The following EVC variants were observed in gnomAD, a reference collection of about 807,000 sequenced individuals.
The protein encoded by EVC is EvC ciliary complex subunit 1, also known as evC complex member EVC.
In EVC, 116 loss-of-function variants were observed where a neutral mutation model predicts 118.9. The ratio of observed to expected loss-of-function variants is 0.98; its 90% CI spans 0.84 to 1.14. EVC has a LOEUF of 1.14. Ranked by LOEUF, EVC falls within the 50% of genes most tolerant of loss-of-function variation. EVC has a pLI of 0.00. For synonymous variants in EVC, 619 were observed against 534.7 expected, an observed-to-expected ratio of 1.16 and a Z score of -2.18; for missense variants, 1,401 against 1,246.4, an observed-to-expected ratio of 1.12 and a Z score of -1.87.
intron 17 of EVC, among the ~76,000 whole-genome samples, chr4:5,806,104 G>C (rs1715866636): frequency 6.7e-6 from 1 of 149,606 alleles, no homozygotes; most frequent in South Asian, 2.1e-4. Context: ...TTTTGAGACA[G>C]AGTCTTGCTC....
chr4:5,821,351 C>T, the EVC span: 4 of 179,402 alleles, frequency 2.2e-5, no homozygotes, highest in Non-Finnish European at 3.6e-5. This position sits in a 1 kb window ranked among gnomAD's most constrained non-coding sequence, Gnocchi z 4.4. Context: ...TCCCCTCAGA[C>T]GCACTCACAG....
intron 12 of EVC, among the ~76,000 whole-genome samples, chr4:5,790,954 G>T (rs1031947506): frequency 1.3e-5 from 2 of 152,044 alleles, no homozygotes; most frequent in Non-Finnish European, 2.9e-5. Flanking sequence ...CATTAACTGG[G>T]CGTGGTGGCG....
At chr4:5,794,339 ATACTTATATATATATTTATGTATT>A (rs1713461226) in intron 13 of EVC, among the ~76,000 whole-genome samples, 4 of 109,774 alleles carry the variant, frequency 3.6e-5, no homozygotes, top group Non-Finnish European at 3.8e-5. Flanking sequence ...ATATATTTAT[ATACTTATATATATATTTATGTATT>A]TATATTTATA....
Position 5,754,066 on chromosome 4 carries a change from G to A in EVC, c.1464+133G>A. On this transcript the variant is annotated intron_variant, in intron 10 of 20. Coordinates refer to ENST00000264956, the MANE Select transcript of EVC (RefSeq NM_153717.3). This position sits in a 1 kb window ranked among gnomAD's most constrained non-coding sequence, Gnocchi z 5.8. ...CCTACTTCCCATGTGTCAGCCGAGT[G>A]ACCGAATCTCAGTCCCTTAGCCCCT... The A allele has an allele frequency of 1.7e-6, 2 of 1,194,880 alleles. No individual in the cohort carries two copies. Among genetic ancestry groups the A allele is most frequent in the Non-Finnish European group, 2.4e-6 (2 of 824,248 alleles). 74.0% of individuals were successfully genotyped at this position (1,194,880 alleles called of 1,614,324 possible).
chr4:5,744,753 C>T (rs1729098085), intron 6 of EVC, among the ~76,000 whole-genome samples: 1 of 152,110 alleles, frequency 6.6e-6, no homozygotes, highest in Non-Finnish European at 1.5e-5. Flanking sequence ...CCTGATTGGC[C>T]CATCACAAAC....
At chr4:5,825,697 G>A in the EVC span, 1 of 1,598,864 alleles carries the variant, frequency 6.3e-7, no homozygotes, top group Non-Finnish European at 8.5e-7. The surrounding 1 kb of genome is among the most constrained non-coding windows in gnomAD (Gnocchi z 4.4). Flanking sequence ...GATCGACACT[G>A]TGCATGTGTG....
rs2286343 is a variant in EVC, at chr4:5,745,345, C to T, written c.939+4C>T. ...CTCTGAACAGCTAATCGATAATGTGCGTGCCAGACTTTCTTTCCTGTACAC... is the reference window on the plus strand; with the variant it reads ...CTCTGAACAGCTAATCGATAATGTGTGTGCCAGACTTTCTTTCCTGTACAC... On this transcript the variant is annotated splice_donor_region_variant and intron_variant, in intron 7 of 20. Transcript: ENST00000264956. 0.34 allele frequency: 544,981 copies of T among 1,612,486 alleles called. 96,525 individuals are homozygous for T. The highest frequency in any genetic ancestry group is 0.66 in the East Asian group (29,606 of 44,802).
chr4:5,772,517 C>A (rs1389664712), intron 11 of EVC, among the ~76,000 whole-genome samples: 1 of 152,030 alleles, frequency 6.6e-6, no homozygotes, highest in Admixed American at 6.5e-5. Context: ...CCCCAGAATG[C>A]CTCCTGTTGT....
chr4:5,822,841 A>T, the EVC span, among the ~76,000 whole-genome samples: 39 of 152,346 alleles, frequency 2.6e-4, no homozygotes, highest in Admixed American at 8.5e-4. Context: ...AAACGTAAGT[A>T]AGTTAGCTCA....
intron 13 of EVC, among the ~76,000 whole-genome samples, chr4:5,796,200 A>G (rs1432652222): frequency 1.3e-5 from 2 of 151,662 alleles, no homozygotes; most frequent in Non-Finnish European, 2.9e-5. Context: ...TCGTCTTATC[A>G]TTTAATTTCT....
intron 4 of EVC, 46 bp from the exon 5 acceptor site, chr4:5,733,305 T>C (rs1267308270): frequency 1.3e-6 from 2 of 1,527,650 alleles, no homozygotes; most frequent in East Asian, 4.5e-5. Context: ...TACTCTTCAT[T>C]TCCGATACCC....
intron 13 of EVC, among the ~76,000 whole-genome samples, chr4:5,794,333 A>G (rs1268273757): frequency 8.4e-6 from 1 of 118,786 alleles, no homozygotes; most frequent in Admixed American, 9.6e-5. Context: ...ATTTATATAT[A>G]TTTATATACT....
In EVC at chr4:5,729,323, C is replaced by G. The variant is rs200668643; in HGVS notation, c.317C>G (p.Ser106Cys). The G allele has an allele frequency of 6.2e-7, 1 of 1,614,168 alleles. No individual in the cohort carries two copies. The highest frequency in any genetic ancestry group is 8.5e-7 in the Non-Finnish European group (1 of 1,180,036). ...KEAVDECEPPSNSNITAFALK... is the reference protein window; with the variant it reads ...KEAVDECEPPCNSNITAFALK... The stretch of plus-strand genomic sequence containing the variant: ...CCCTCCCAGGAATGTGAGCCGCCTT[C>G]CAACAGCAATATCACAGCATTCGCC... The change falls in exon 3 of 21, where the codon TCC becomes TGC. Residue 106 changes from serine (S) to cysteine (C), a missense_variant. Ser to Cys is a moderately radical substitution (Grantham distance 112, BLOSUM62 -1). Transcript: ENST00000264956.
chr4:5,815,727 C>T (rs550591865), downstream of EVC, among the ~76,000 whole-genome samples: 37 of 152,210 alleles, frequency 2.4e-4, no homozygotes, highest in Non-Finnish European at 4.7e-4. Flanking sequence ...AATGTTTCCT[C>T]TATAGCCCTT....
At chr4:5,817,511 C>A (rs975163941), downstream of EVC, among the ~76,000 whole-genome samples, 3 of 152,156 alleles carry the variant, frequency 2.0e-5, no homozygotes, top group African/African-American at 7.2e-5. Flanking sequence ...CACCAGGGCC[C>A]CTGTGTCTTT....
At chr4:5,713,255 C>T (rs1010794963) in intron 1 of EVC, among the ~76,000 whole-genome samples, 1 of 152,154 alleles carries the variant, frequency 6.6e-6, no homozygotes, top group African/African-American at 2.4e-5. Flanking sequence ...GTGATCCTTG[C>T]GACAACCTTC....
chr4:5,826,281 G>C, the EVC span: 1 of 153,034 alleles, frequency 6.5e-6, no homozygotes, highest in African/African-American at 2.4e-5. Context: ...CTTCATGTAT[G>C]TTCTTGTAGA....
chr4:5,824,785 G>C, the EVC span: 2 of 982,186 alleles, frequency 2.0e-6, no homozygotes, highest in African/African-American at 3.7e-5. Flanking sequence ...CCCATGCAAC[G>C]CCTCAAAGAG....
chr4:5,797,286 A>C, intron 14 of EVC, 54 bp downstream of exon 14: 1 of 1,430,516 alleles, frequency 7.0e-7, no homozygotes, highest in Non-Finnish European at 9.6e-7. Context: ...CCCCTGCAGC[A>C]GGCCCCAGCT....
Sources: gnomAD v4.1 joint callset for allele counts (sites outside exome capture counted in the v4.1 genomes callset) on GRCh38, gnomAD v4.1.1 for gene constraint, Gnocchi (gnomAD v3.1) non-coding constraint, MANE v1.5 for transcripts, NCBI Gene and HGNC (gene_info 2026-07-23, HGNC 2026-07-21) for gene names.